Variants in HECW1 observed in about 807,000 individuals in gnomAD.
HECW1 encodes E3 ubiquitin-protein ligase HECW1.
HECW1 carries 61 observed loss-of-function variants against 182.3 expected under a neutral mutation model. That is an observed-to-expected ratio of 0.33 (90% CI 0.27 to 0.41). The LOEUF is 0.41. Ranked by LOEUF, HECW1 falls within the 10% of genes least tolerant of loss-of-function variation. HECW1 has a pLI of 1.00. For missense variants in HECW1, 1,739 were observed against 2,108.9 expected, an observed-to-expected ratio of 0.82 and a Z score of 3.44; for synonymous variants, 859 against 832.6, an observed-to-expected ratio of 1.03 and a Z score of -0.55.
chr7:43,321,981 A>C (rs1026118513), intron 5 of HECW1, among the ~76,000 whole-genome samples: 4 of 152,226 alleles, frequency 2.6e-5, no homozygotes, highest in African/African-American at 9.6e-5. Flanking sequence ...TTTTTATGCT[A>C]TCAGGGTGTA....
chr7:43,403,229 G>A (rs139789335), intron 7 of HECW1, among the ~76,000 whole-genome samples: 1 of 152,242 alleles, frequency 6.6e-6, no homozygotes, highest in East Asian at 1.9e-4. Flanking sequence ...AGATACCCAG[G>A]GAAAATGAGT....
intron 16 of HECW1, among the ~76,000 whole-genome samples, chr7:43,478,592 TAAC>T (rs1003109164): frequency 5.9e-5 from 9 of 152,124 alleles, no homozygotes; most frequent in African/African-American, 2.2e-4. Context: ...ACTTATAAAA[TAAC>T]AAGTGAAAAA....
At chr7:43,361,063 TG>T in intron 6 of HECW1, 83 bp downstream of exon 6, 1 of 293,968 alleles carries the variant, frequency 3.4e-6, no homozygotes, top group Non-Finnish European at 5.6e-6. Context: ...CGTGCGTGTG[TG>T]TGTGTGTGTG....
intron 5 of HECW1, among the ~76,000 whole-genome samples, chr7:43,342,413 C>A (rs1813111547): frequency 6.6e-6 from 1 of 151,782 alleles, no homozygotes; most frequent in Admixed American, 6.6e-5. Context: ...ATAGGATAGA[C>A]TGGCAGGACT....
At chr7:43,182,011 C>T (rs1025504314) in intron 2 of HECW1, among the ~76,000 whole-genome samples, 14 of 152,074 alleles carry the variant, frequency 9.2e-5, no homozygotes, top group South Asian at 8.3e-4. Flanking sequence ...GTCTCGATCT[C>T]CTGACCTCGT....
Position 43,479,605 on chromosome 7 carries a change from C to G in HECW1, c.3100-5C>G. ...CGGTGCTTTTTTTCACTGGTCTGTT[C>G]GCAGTCTTTTTTCGTGGACCACAAC... On this transcript the variant is annotated splice_region_variant and splice_polypyrimidine_tract_variant and intron_variant, in intron 16 of 29. Coordinates refer to ENST00000395891, the MANE Select transcript of HECW1 (RefSeq NM_015052.5). 1 of 1,613,980 alleles carries G rather than the reference C, an allele frequency of 6.2e-7. No homozygotes were observed.
chr7:43,370,888 CTTTTTTT>C (rs779010532), intron 6 of HECW1, among the ~76,000 whole-genome samples: 10 of 135,410 alleles, frequency 7.4e-5, no homozygotes, highest in African/African-American at 2.4e-4. Flanking sequence ...CAATGATATT[CTTTTTTT>C]TTTTTTTTTT....
intron 16 of HECW1, among the ~76,000 whole-genome samples, chr7:43,470,073 C>T (rs1378959143): frequency 6.6e-6 from 1 of 152,166 alleles, no homozygotes; most frequent in African/African-American, 2.4e-5. Flanking sequence ...AGGACCAGCT[C>T]CTCTGTAACC....
At chr7:43,299,322 T>C (rs985183640) in intron 3 of HECW1, among the ~76,000 whole-genome samples, 2 of 152,166 alleles carry the variant, frequency 1.3e-5, no homozygotes, top group African/African-American at 2.4e-5. Context: ...CTTCCCGGTA[T>C]CTTTGGTGTA....
intron 11 of HECW1, among the ~76,000 whole-genome samples, chr7:43,448,968 C>G (rs994937011): frequency 6.6e-5 from 10 of 152,194 alleles, no homozygotes; most frequent in Non-Finnish European, 1.0e-4. Context: ...TCCATCCATT[C>G]AGTCGGCTGA....
chr7:43,342,270 A>G lies in HECW1; in HGVS notation c.461-18616A>G, dbSNP rs774480540. Among the ~76,000 whole-genome samples, 30 of 151,792 alleles carry G rather than the reference A, an allele frequency of 2.0e-4. 1 individual carries two copies. Among genetic ancestry groups the G allele is most frequent in the Non-Finnish European group, 3.4e-4 (23 of 68,026 alleles). On this transcript the variant is annotated intron_variant, in intron 5 of 29. Coordinates refer to ENST00000395891, the MANE Select transcript of HECW1 (RefSeq NM_015052.5). ...TGCCTCGTCAATGAACATTATTTCC[A>G]TTTATCCTCATTTATTTGGAAACCC...
chr7:43,430,779 T>TTATTATTATTATTATTATTATTA (rs1554410944), intron 8 of HECW1, among the ~76,000 whole-genome samples: 37 of 141,736 alleles, frequency 2.6e-4, no homozygotes, highest in African/African-American at 5.5e-4. Context: ...TTTATTTTTC[T>TTATTATTATTATTATTATTATTA]TTATTATTAT....
chr7:43,226,441 G>GT (rs1293654454), intron 2 of HECW1, among the ~76,000 whole-genome samples: 1 of 152,216 alleles, frequency 6.6e-6, no homozygotes, highest in Non-Finnish European at 1.5e-5. Flanking sequence ...TCTGCCACAT[G>GT]TAAGTGCCCT....
chr7:43,253,725 G>C (rs1800273074), intron 3 of HECW1, among the ~76,000 whole-genome samples: 1 of 152,102 alleles, frequency 6.6e-6, no homozygotes, highest in South Asian at 2.1e-4. Flanking sequence ...GGCCAATATG[G>C]TGAAACCCCA....
At chr7:43,518,992 C>G (rs1307900620) in intron 24 of HECW1, among the ~76,000 whole-genome samples, 1 of 152,122 alleles carries the variant, frequency 6.6e-6, no homozygotes, top group African/African-American at 2.4e-5. Context: ...CCCCTATACC[C>G]TTTAGCCCAT....
Position 43,445,194 on chromosome 7 carries a change from C to A in HECW1, c.2022C>A (p.Asp674Glu), listed in dbSNP as rs963677639. 8.7e-6 allele frequency: 14 copies of A among 1,612,712 alleles called. No individual in the cohort carries two copies. Among genetic ancestry groups the A allele is most frequent in the Non-Finnish European group, 1.2e-5 (14 of 1,179,590 alleles). Residue 674 changes from aspartate to glutamate, a missense_variant, in exon 11 of 30, where the codon GAC becomes GAA. Physicochemically the swap from Asp to Glu is conservative, Grantham distance 45. Coordinates refer to ENST00000395891, the MANE Select transcript of HECW1 (RefSeq NM_015052.5). The part of the protein sequence containing the change: ...QGGDHSCEGC[D>E]ASCCSPSCYS... ...GGGACCACAGTTGCGAGGGCTGTGA[C>A]GCGTCCTGCTGCAGCCCCTCGTGCT...
chr7:43,274,522 G>A (rs1052065140), intron 3 of HECW1: 3 of 589,540 alleles, frequency 5.1e-6, no homozygotes, highest in African/African-American at 1.9e-5. Flanking sequence ...GGAGGAGATC[G>A]CAGCCAACAA....
At chr7:43,290,604 C>G (rs147829630) in intron 3 of HECW1, among the ~76,000 whole-genome samples, 29 of 152,298 alleles carry the variant, frequency 1.9e-4, no homozygotes, top group African/African-American at 6.5e-4. Flanking sequence ...TGGGGTCATC[C>G]TGGCCAAGAG....
chr7:43,328,573 G>A (rs142298968), intron 5 of HECW1, among the ~76,000 whole-genome samples: 22 of 152,298 alleles, frequency 1.4e-4, no homozygotes, highest in Non-Finnish European at 2.2e-4. Flanking sequence ...AGACGCAGGC[G>A]TGCAGTCACT....
Sources: gnomAD v4.1 joint callset for allele counts (sites outside exome capture counted in the v4.1 genomes callset) on GRCh38, gnomAD v4.1.1 for gene constraint, MANE v1.5 for transcripts, NCBI Gene and HGNC (gene_info 2026-07-23, HGNC 2026-07-21) for gene names.